The following PKP4 variants were observed in gnomAD, a reference collection of about 807,000 sequenced individuals.
PKP4 encodes plakophilin 4, also known as plakophilin-4.
A neutral mutation model predicts 145.1 loss-of-function variants in PKP4; 90 were observed. The observed-to-expected ratio is 0.62, with a 90% confidence interval of 0.52 to 0.74. PKP4 has a LOEUF of 0.74. PKP4 is among the 30% of genes least tolerant of loss of function. The pLI is 0.00. For missense variants in PKP4, 1,340 were observed against 1,482.7 expected, an observed-to-expected ratio of 0.90 and a Z score of 1.58; for synonymous variants, 563 against 577.2, an observed-to-expected ratio of 0.98 and a Z score of 0.35.
intron 3 of PKP4, among the ~76,000 whole-genome samples, chr2:158,584,383 A>G (rs576285267): frequency 1.3e-5 from 2 of 152,328 alleles, no homozygotes; most frequent in African/African-American, 2.4e-5. Context: ...CAGCCTTCCA[A>G]TGGCAAGCGC....
At chr2:158,473,763 A>G (rs1287405271) in intron 1 of PKP4, among the ~76,000 whole-genome samples, 2 of 152,198 alleles carry the variant, frequency 1.3e-5, no homozygotes, top group African/African-American at 2.4e-5. Flanking sequence ...ATATAAGTTT[A>G]CCTACATAAC....
intron 2 of PKP4, among the ~76,000 whole-genome samples, chr2:158,568,033 A>T: frequency 6.6e-6 from 1 of 152,066 alleles, no homozygotes; most frequent in East Asian, 1.9e-4. Flanking sequence ...CTCCTGGAGG[A>T]CTTGTTTAAA....
chr2:158,632,979 A>G lies in PKP4; in HGVS notation c.1342+1038A>G, dbSNP rs913538145. Among the ~76,000 whole-genome samples the G allele has an allele frequency of 5.6e-4, 85 of 152,358 alleles. 1 individual carries two copies. The highest frequency in any genetic ancestry group is 2.0e-3 in the African/African-American group (82 of 41,592). On this transcript the variant is annotated intron_variant, in intron 8 of 21. Transcript: ENST00000389759. Reference sequence around the variant, plus strand: ...AGGGATACCCACTGACATAATTAGTAAAGTCATTTTAAATACAGTGTAGAG... The same window carrying G: ...AGGGATACCCACTGACATAATTAGTGAAGTCATTTTAAATACAGTGTAGAG...
chr2:158,610,982 G>T lies in PKP4; in HGVS notation c.280+7878G>T, dbSNP rs561149678. Among the ~76,000 whole-genome samples the T allele has an allele frequency of 2.2e-4, 33 of 152,228 alleles. No individual in the cohort carries two copies. The South Asian group carries it at 6.2e-3, about 29-fold the overall frequency. ...TCGAGAAATTGATGGATGTTACGTAGGTGATAAAGAATTGGTGCTCATGGG... is the reference window on the plus strand; with the variant it reads ...TCGAGAAATTGATGGATGTTACGTATGTGATAAAGAATTGGTGCTCATGGG... On this transcript the variant is annotated intron_variant, in intron 4 of 21. Transcript: ENST00000389759.
chr2:158,644,332 G>A (rs2054621692), intron 11 of PKP4, among the ~76,000 whole-genome samples: 2 of 152,220 alleles, frequency 1.3e-5, no homozygotes, highest in South Asian at 2.1e-4. Context: ...GGTCGGAAGT[G>A]CGGAGTGAGA....
intron 3 of PKP4, among the ~76,000 whole-genome samples, chr2:158,584,152 G>A (rs1385916802): frequency 1.3e-5 from 2 of 152,190 alleles, no homozygotes; most frequent in Non-Finnish European, 2.9e-5. Context: ...CTCCGGCTCC[G>A]AGGCCAACCG....
At chr2:158,605,005 C>T (rs1217424797) in intron 4 of PKP4, among the ~76,000 whole-genome samples, 2 of 152,060 alleles carry the variant, frequency 1.3e-5, no homozygotes, top group Non-Finnish European at 1.5e-5. Flanking sequence ...CTGACCAAGG[C>T]GGACAGAGGG....
At chr2:158,599,875 G>C (rs1469149568) in intron 3 of PKP4, among the ~76,000 whole-genome samples, 1 of 152,134 alleles carries the variant, frequency 6.6e-6, no homozygotes, top group Non-Finnish European at 1.5e-5. Flanking sequence ...CTGGCTGGAG[G>C]GGATTATGAG....
rs2058054501 is a variant in PKP4, at chr2:158,676,849, C to T, written c.3238C>T (p.His1080Tyr). ...TTACAATAGCCAAGGGGATGCCACA[C>T]ATAAAGGCCTGTACCCTGGTAAGAC... is the stretch of plus-strand genomic sequence containing the variant. Reference protein sequence around the residue: ...QYYNSQGDATHKGLYPGSSKP... With the variant: ...QYYNSQGDATYKGLYPGSSKP... The change falls in exon 20 of 22, where the codon CAT becomes TAT. Residue 1080 changes from histidine (H) to tyrosine (Y), a missense_variant. By Grantham distance (83) the His-to-Tyr change is moderately conservative. Transcript: ENST00000389759. 4 of 1,614,064 alleles carry T rather than the reference C, an allele frequency of 2.5e-6. No homozygotes were observed. Among genetic ancestry groups the T allele is most frequent in the Admixed American group, 1.7e-5 (1 of 60,012 alleles).
chr2:158,678,050 A>T (rs2058160432), intron 20 of PKP4, among the ~76,000 whole-genome samples: 1 of 152,244 alleles, frequency 6.6e-6, no homozygotes. Context: ...TTTGTATTAA[A>T]ACATACTTAA....
intron 11 of PKP4, among the ~76,000 whole-genome samples, chr2:158,645,281 T>A (rs1016651000): frequency 1.6e-4 from 25 of 152,186 alleles, no homozygotes; most frequent in Non-Finnish European, 1.6e-4. Flanking sequence ...TTTGTTTACG[T>A]GTACATGTAG....
intron 21 of PKP4, among the ~76,000 whole-genome samples, chr2:158,679,893 A>G (rs888276908): frequency 3.9e-5 from 6 of 152,222 alleles, no homozygotes; most frequent in African/African-American, 1.2e-4. Flanking sequence ...ACTGTTGTTC[A>G]CCTAGCCACA....
chr2:158,652,420 CT>C (rs2055457086), intron 11 of PKP4, among the ~76,000 whole-genome samples: 1 of 152,202 alleles, frequency 6.6e-6, no homozygotes, highest in East Asian at 1.9e-4. Context: ...CTTGGCATTA[CT>C]CTCGTCCCAA....
At chr2:158,477,583 A>G (rs188347610) in intron 1 of PKP4, among the ~76,000 whole-genome samples, 37 of 152,380 alleles carry the variant, frequency 2.4e-4, no homozygotes, top group Middle Eastern at 6.8e-3. Flanking sequence ...TAAAGAAGAA[A>G]GAAGTATCAG....
Position 158,676,922 on chromosome 2 carries a change from C to T in PKP4, c.3256+55C>T, listed in dbSNP as rs200711502. ...TCTCTTGAAAAGCCGCATTTCCAGG[C>T]GCTTGGCCAGTGGCCTGGGAAGTAG... On this transcript the variant is annotated intron_variant, in intron 20 of 21. Transcript: ENST00000389759. 1,888 of 1,610,356 alleles carry T rather than the reference C, an allele frequency of 1.2e-3. 1 individual carries two copies. Among genetic ancestry groups the T allele is most frequent in the Non-Finnish European group, 1.5e-3 (1,779 of 1,177,552 alleles).
intron 1 of PKP4, among the ~76,000 whole-genome samples, chr2:158,461,343 G>A (rs4664961): frequency 0.91 from 139,016 of 152,232 alleles, 63,520 homozygotes; most frequent in East Asian, 0.98. Context: ...ATTCAGATTT[G>A]TTTGATATAC....
chr2:158,634,748 G>A (rs1182011816), intron 9 of PKP4, among the ~76,000 whole-genome samples: 3 of 152,154 alleles, frequency 2.0e-5, no homozygotes, highest in Non-Finnish European at 4.4e-5. Flanking sequence ...AATATATAAC[G>A]CTGTTATTAA....
rs955709478 is a variant in PKP4 at position 158,680,711 on chromosome 2, C to T, written c.*34C>T. On this transcript the variant is annotated 3_prime_UTR_variant, in exon 22 of 22. Transcript: ENST00000389759. Reference sequence around the variant, plus strand: ...TGCCCAACAGAGGAACTCTTTCTTTCTAACCTTGTTCAGATTGAGGTGAAA... The same window carrying T: ...TGCCCAACAGAGGAACTCTTTCTTTTTAACCTTGTTCAGATTGAGGTGAAA... 6.4e-7 allele frequency: 1 copy of T among 1,561,828 alleles called. No individual in the cohort carries two copies. Among genetic ancestry groups the T allele is most frequent in the Admixed American group, 2.0e-5 (1 of 50,528 alleles).
chr2:158,579,859 CTA>C (rs1276034279), intron 3 of PKP4, among the ~76,000 whole-genome samples: 4 of 150,758 alleles, frequency 2.7e-5, no homozygotes, highest in East Asian at 1.9e-4. Flanking sequence ...ATATATATAG[CTA>C]TATATATATT....
Sources: gnomAD v4.1 joint callset for allele counts (sites outside exome capture counted in the v4.1 genomes callset) on GRCh38, gnomAD v4.1.1 for gene constraint, MANE v1.5 for transcripts, NCBI Gene and HGNC (gene_info 2026-07-23, HGNC 2026-07-21) for gene names.